CGNL1: variants seen among roughly 807,000 people sequenced by gnomAD.
CGNL1 encodes cingulin-like protein 1.
Under a neutral mutation model 141.2 loss-of-function variants are expected in CGNL1, and 132 were observed. The ratio of observed to expected loss-of-function variants is 0.93; its 90% CI spans 0.81 to 1.08. The LOEUF (loss-of-function observed/expected upper bound fraction) is 1.08. Ranked by LOEUF, CGNL1 falls within the 50% of genes least tolerant of loss-of-function variation. The pLI is 0.00. For missense variants in CGNL1, 1,870 were observed against 1,588.6 expected, an observed-to-expected ratio of 1.18 and a Z score of -3.01; for synonymous variants, 690 against 622.1, an observed-to-expected ratio of 1.11 and a Z score of -1.63.
chr15:57,474,571 G>A (rs1360873179), intron 8 of CGNL1, among the ~76,000 whole-genome samples: 3 of 152,148 alleles, frequency 2.0e-5, no homozygotes, highest in Non-Finnish European at 2.9e-5. Flanking sequence ...AAGGACACCC[G>A]CATAGTTTAA....
chr15:57,546,030 G>A (rs987741916), intron 17 of CGNL1, 46 bp from the exon 18 acceptor site: 11 of 1,585,722 alleles, frequency 6.9e-6, no homozygotes, highest in Admixed American at 3.4e-5. Flanking sequence ...GAGCGCTGGG[G>A]CTGGGCCATC....
At chr15:57,428,228 G>C (rs943919605) in intron 1 of CGNL1, among the ~76,000 whole-genome samples, 3 of 152,198 alleles carry the variant, frequency 2.0e-5, no homozygotes, top group African/African-American at 7.2e-5. Flanking sequence ...GTGACCATGT[G>C]AGCATAATTA....
At chr15:57,420,994 C>G (rs2062907936) in intron 1 of CGNL1, among the ~76,000 whole-genome samples, 1 of 152,158 alleles carries the variant, frequency 6.6e-6, no homozygotes, top group African/African-American at 2.4e-5. Context: ...TCCTAACTCC[C>G]AAGGTTACGG....
At chr15:57,456,204 T>C (rs2063377421) in intron 7 of CGNL1, among the ~76,000 whole-genome samples, 1 of 152,222 alleles carries the variant, frequency 6.6e-6, no homozygotes, top group African/African-American at 2.4e-5. Context: ...TAACAGAGTA[T>C]AGTTGTGGCC....
intron 12 of CGNL1, 61 bp from the exon 13 acceptor site, chr15:57,528,593 G>T: frequency 6.4e-7 from 1 of 1,568,834 alleles, no homozygotes; most frequent in Non-Finnish European, 8.7e-7. Context: ...TGCACTGTCT[G>T]TGGAGGTCTC....
In CGNL1 at chr15:57,490,167, C is replaced by A. The variant is rs181736596; in HGVS notation, c.2404-26613C>A. 2.9e-3 allele frequency among the ~76,000 whole-genome samples: 436 copies of A among 152,234 alleles called. 3 individuals are homozygous for A. Among genetic ancestry groups the A allele is most frequent in the African/African-American group, 9.5e-3 (393 of 41,538 alleles). On this transcript the variant is annotated intron_variant, in intron 8 of 18. Transcript: ENST00000281282. ...TAAAAATCAGGAATTCTCATAGTGGCTGTGTTACTCTGCTATTAAAAAGCT... is the reference window on the plus strand; with the variant it reads ...TAAAAATCAGGAATTCTCATAGTGGATGTGTTACTCTGCTATTAAAAAGCT...
chr15:57,460,554 G>A (rs1208154046), intron 7 of CGNL1, among the ~76,000 whole-genome samples: 4 of 152,174 alleles, frequency 2.6e-5, no homozygotes, highest in African/African-American at 7.2e-5. Flanking sequence ...TCACAGTTCC[G>A]CATGGCTGGG....
At chr15:57,475,529 GTGTGTGTTTTC>G (rs2063643836) in intron 8 of CGNL1, among the ~76,000 whole-genome samples, 1 of 89,174 alleles carries the variant, frequency 1.1e-5, no homozygotes, top group South Asian at 3.5e-4. Flanking sequence ...GTGTGTGTGT[GTGTGTGTTTTC>G]TTTTCTTCTC....
In CGNL1 at chr15:57,547,549, G is replaced by C; in HGVS notation, c.*59G>C. Reference sequence around the variant, plus strand: ...CCTGCAGGAGCTGCAGCCACCCAAAGTGGGAGGCAGGGAGGGGAGCATCTG... The same window carrying C: ...CCTGCAGGAGCTGCAGCCACCCAAACTGGGAGGCAGGGAGGGGAGCATCTG... On this transcript the variant is annotated 3_prime_UTR_variant, in exon 19 of 19. Coordinates refer to ENST00000281282, the MANE Select transcript of CGNL1 (RefSeq NM_032866.5). 3 of 1,581,718 alleles carry C rather than the reference G, an allele frequency of 1.9e-6. No homozygotes were observed. The highest frequency in any genetic ancestry group is 1.3e-5 in the African/African-American group (1 of 74,214).
rs781292164 is a variant in CGNL1 at position 57,523,503 on chromosome 15, G to C, written c.2730G>C (p.Gln910His). 4.3e-6 allele frequency: 7 copies of C among 1,614,190 alleles called. No individual in the cohort carries two copies. Among genetic ancestry groups the C allele is most frequent in the Non-Finnish European group, 5.9e-6 (7 of 1,180,026 alleles). Residue 910 changes from glutamine to histidine, a missense_variant, in exon 11 of 19, where the codon CAG becomes CAC. Physicochemically the swap from Gln to His is conservative, Grantham distance 24. Transcript: ENST00000281282. The stretch of plus-strand genomic sequence containing the variant: ...GCCATTTGCAGGGAAATCTGAGTCA[G>C]ACTACCCAGGAGCAGAAGCAGTTGT... Reference protein sequence around the residue: ...ELEAAQGNLSQTTQEQKQLSE... With the variant: ...ELEAAQGNLSHTTQEQKQLSE...
At position 57,531,704 on chromosome 15, in the gene CGNL1, A is replaced by G. The variant is rs1369462353; in HGVS notation, c.3216A>G (p.Gln1072=). 2 of 1,612,138 alleles carry G rather than the reference A, an allele frequency of 1.2e-6. No homozygotes were observed. Among genetic ancestry groups the G allele is most frequent in the South Asian group, 1.1e-5 (1 of 91,024 alleles). Residue 1072 remains glutamine, a synonymous_variant, in exon 14 of 19, where the codon CAA becomes CAG. Transcript: ENST00000281282. ...LVKQMEDKVS[Q]LEMELEEERN... ...TTCCTTCTTAGGACAAGGTGTCTCA[A>G]CTGGAGATGGAACTGGAAGAAGAGA...
chr15:57,521,958 T>G (rs1241622875), intron 10 of CGNL1, among the ~76,000 whole-genome samples: 1 of 152,172 alleles, frequency 6.6e-6, no homozygotes, highest in Non-Finnish European at 1.5e-5. Context: ...GACATGTGTT[T>G]TGAGGGTTTT....
intron 1 of CGNL1, among the ~76,000 whole-genome samples, chr15:57,385,594 G>C (rs1387222077): frequency 1.3e-5 from 2 of 152,184 alleles, no homozygotes; most frequent in Non-Finnish European, 2.9e-5. Context: ...TCTATTTGAC[G>C]ATCACTAGGA....
chr15:57,406,954 A>G (rs1358338633), intron 1 of CGNL1: 1 of 152,232 alleles, frequency 6.6e-6, no homozygotes, highest in Non-Finnish European at 1.5e-5. Flanking sequence ...CTTTTGACTT[A>G]TTCCTGATCT....
Position 57,442,182 on chromosome 15 carries a change from G to GGAAAAAAAAAAAAAAAAAAAAA in CGNL1, c.1698-191_1698-190insGAAAAAAAAAAAAAAAAAAAAA, listed in dbSNP as rs1491455852. On this transcript the variant is annotated intron_variant, in intron 3 of 18. Coordinates refer to ENST00000281282, the MANE Select transcript of CGNL1 (RefSeq NM_032866.5). ...TTGAGTGGTAACACATCATTTATTT[G>GGAAAAAAAAAAAAAAAAAAAAA]AAAAAAAAAAAAAAAAAAAAAGACA... Among the ~76,000 whole-genome samples the GGAAAAAAAAAAAAAAAAAAAAA allele has an allele frequency of 2.8e-4, 27 of 96,490 alleles. 2 individuals carry two copies. Among genetic ancestry groups the GGAAAAAAAAAAAAAAAAAAAAA allele is most frequent in the East Asian group, 1.1e-3 (3 of 2,808 alleles). 63.3% of individuals were successfully genotyped at this position (96,490 alleles called of 152,430 possible).
At chr15:57,381,337 A>G (rs1355289267) in intron 1 of CGNL1, among the ~76,000 whole-genome samples, 1 of 152,132 alleles carries the variant, frequency 6.6e-6, no homozygotes, top group East Asian at 1.9e-4. Context: ...AGGCAGGTGG[A>G]TCCCTTGAGC....
chr15:57,378,446 A>G (rs2062391219), intron 1 of CGNL1, among the ~76,000 whole-genome samples: 1 of 131,792 alleles, frequency 7.6e-6, no homozygotes, highest in East Asian at 2.3e-4. Context: ...CAATGGTGCA[A>G]TCTCAGCTTA....
intron 1 of CGNL1, among the ~76,000 whole-genome samples, chr15:57,384,410 A>G (rs1190657970): frequency 6.6e-6 from 1 of 152,166 alleles, no homozygotes; most frequent in Non-Finnish European, 1.5e-5. Flanking sequence ...AGGCGATAGA[A>G]ACAAGGCCAC....
intron 6 of CGNL1, 94 bp from the exon 7 acceptor site, chr15:57,453,589 A>G: frequency 6.6e-7 from 1 of 1,504,640 alleles, no homozygotes; most frequent in Non-Finnish European, 9.0e-7. Flanking sequence ...GGGGCTTTAG[A>G]GACTTGTGTA....
Sources: allele counts gnomAD v4.1 joint callset (sites outside exome capture counted in the v4.1 genomes callset), GRCh38; gene constraint gnomAD v4.1.1; transcripts MANE v1.5; gene names NCBI Gene and HGNC (gene_info 2026-07-23, HGNC 2026-07-21).